The following CDH7 variants were observed in gnomAD, a reference collection of about 807,000 sequenced individuals.
CDH7 encodes cadherin-7.
Under a neutral mutation model 71.8 loss-of-function variants are expected in CDH7, and 25 were observed. That is an observed-to-expected ratio of 0.35 (90% CI 0.25 to 0.49). CDH7 has a LOEUF of 0.49. CDH7 is among the 20% of genes least tolerant of loss of function. The pLI, the probability that CDH7 is intolerant of heterozygous loss-of-function variation, is 0.99. For missense variants in CDH7, 862 were observed against 974.6 expected, an observed-to-expected ratio of 0.88 and a Z score of 1.54; for synonymous variants, 381 against 363.8, an observed-to-expected ratio of 1.05 and a Z score of -0.54.
chr18:65,758,235 TA>T (rs1459630192), intron 1 of CDH7, among the ~76,000 whole-genome samples: 5 of 152,332 alleles, frequency 3.3e-5, no homozygotes, highest in Admixed American at 1.3e-4. Context: ...CTTTTTAAAA[TA>T]ATGCTTCAGA....
At chr18:65,806,422 C>T (rs911708322) in intron 2 of CDH7, among the ~76,000 whole-genome samples, 1 of 151,818 alleles carries the variant, frequency 6.6e-6, no homozygotes, top group Non-Finnish European at 1.5e-5. Context: ...ATTGTTTAGG[C>T]TAATCTCAGG....
At chr18:65,871,415 A>G (rs1913922599) in intron 11 of CDH7, among the ~76,000 whole-genome samples, 1 of 152,200 alleles carries the variant, frequency 6.6e-6, no homozygotes, top group Non-Finnish European at 1.5e-5. Context: ...ACCTACCTCC[A>G]TACATCCAGG....
intron 11 of CDH7, chr18:65,863,615 T>A (rs952705433): frequency 3.3e-5 from 5 of 152,238 alleles, no homozygotes; most frequent in African/African-American, 1.2e-4. Context: ...AATTATGGCT[T>A]TATATTCTAC....
chr18:65,765,009 A>G (rs1916311684), intron 2 of CDH7, among the ~76,000 whole-genome samples: 1 of 152,054 alleles, frequency 6.6e-6, no homozygotes, highest in South Asian at 2.1e-4. Flanking sequence ...TAGTTTCTTG[A>G]TTAGGTAACA....
intron 2 of CDH7, among the ~76,000 whole-genome samples, chr18:65,808,766 A>G (rs1383105411): frequency 6.6e-6 from 1 of 152,122 alleles, no homozygotes; most frequent in East Asian, 1.9e-4. Context: ...AAGCTTTATT[A>G]TTTGGTAAAT....
rs1371961923 is a variant in CDH7 at position 65,885,550 on chromosome 18, T to C, written c.*4656T>C. On this transcript the variant is annotated 3_prime_UTR_variant, in exon 12 of 12. Transcript: ENST00000397968. ...CCGCCACCGCGCCCCGCTAATTTTT[T>C]TGTATTTTTAGTACAGACGGGGTTT... The C allele has an allele frequency of 6.6e-6, 1 of 151,884 alleles. No individual in the cohort carries two copies. The highest frequency in any genetic ancestry group is 2.4e-5 in the African/African-American group (1 of 41,336). The allele number at this position is 151,884 out of a possible 1,614,324, so 9.4% of individuals were successfully genotyped here. A position where few individuals can be genotyped will look rare whatever the true frequency, so the allele number is the denominator to read the frequency against.
At chr18:65,785,489 T>A (rs1419114916) in intron 2 of CDH7, among the ~76,000 whole-genome samples, 2 of 152,110 alleles carry the variant, frequency 1.3e-5, no homozygotes. Context: ...GTAGAGCTTT[T>A]ATTAGTAGAA....
intron 7 of CDH7, among the ~76,000 whole-genome samples, chr18:65,848,757 G>A (rs553833167): frequency 7.7e-4 from 117 of 152,078 alleles, no homozygotes; most frequent in African/African-American, 2.3e-3. Context: ...AAAGTAATAC[G>A]CATCATTTTA....
chr18:65,799,542 G>A (rs987056374), intron 2 of CDH7, among the ~76,000 whole-genome samples: 2 of 152,088 alleles, frequency 1.3e-5, no homozygotes, highest in Non-Finnish European at 2.9e-5. Context: ...CGGGCATGGT[G>A]GCGGGTGCCT....
At chr18:65,807,252 A>G (rs561691961) in intron 2 of CDH7, among the ~76,000 whole-genome samples, 1 of 152,258 alleles carries the variant, frequency 6.6e-6, no homozygotes, top group Non-Finnish European at 1.5e-5. Flanking sequence ...GTAATGTTTA[A>G]TAAAACGCAG....
chr18:65,770,695 A>T (rs1916515680), intron 2 of CDH7, among the ~76,000 whole-genome samples: 1 of 152,196 alleles, frequency 6.6e-6, no homozygotes, highest in Non-Finnish European at 1.5e-5. Context: ...AATAAGTAGA[A>T]TAATGGAACA....
chr18:65,781,052 T>A (rs1458413348), intron 2 of CDH7, among the ~76,000 whole-genome samples: 4 of 151,868 alleles, frequency 2.6e-5, no homozygotes, highest in African/African-American at 9.7e-5. Flanking sequence ...TCTTCGGAAG[T>A]CAATGCAGCT....
chr18:65,791,683 T>G (rs541247835), intron 2 of CDH7, among the ~76,000 whole-genome samples: 1 of 152,330 alleles, frequency 6.6e-6, no homozygotes. Context: ...TTTCTGTTCT[T>G]TAAAGATACA....
Position 65,859,781 on chromosome 18 carries a change from C to A in CDH7, c.1568C>A (p.Thr523Lys). Residue 523 changes from threonine to lysine, a missense_variant, in exon 10 of 12, where the codon ACG becomes AAG. Physicochemically the swap from Thr to Lys is moderately conservative, Grantham distance 78. Coordinates refer to ENST00000397968, the MANE Select transcript of CDH7 (RefSeq NM_004361.5). ...NGHQFYFSLT[T>K]DATNNHNFSL... ...CACCAGTTTTACTTCAGCTTAACAACGGATGCAACAAATAACCACAACTTT... is the reference window on the plus strand; with the variant it reads ...CACCAGTTTTACTTCAGCTTAACAAAGGATGCAACAAATAACCACAACTTT... 1 of 1,610,050 alleles carries A rather than the reference C, an allele frequency of 6.2e-7. No individual in the cohort carries two copies. Among genetic ancestry groups the A allele is most frequent in the Non-Finnish European group, 8.5e-7 (1 of 1,176,468 alleles).
chr18:65,769,919 G>A (rs1014070025), intron 2 of CDH7, among the ~76,000 whole-genome samples: 1 of 152,112 alleles, frequency 6.6e-6, no homozygotes, highest in Admixed American at 6.6e-5. Flanking sequence ...CTTGGTTAAG[G>A]TGGTGTCTGC....
At chr18:65,821,132 C>CA (rs796526274) in intron 4 of CDH7, among the ~76,000 whole-genome samples, 2,117 of 28,996 alleles carry the variant, frequency 0.073, 51 homozygotes, top group African/African-American at 0.11. Context: ...AACAAACAAA[C>CA]AAAAAAAAAA....
intron 2 of CDH7, among the ~76,000 whole-genome samples, chr18:65,774,219 C>A (rs544289258): frequency 4.7e-4 from 71 of 151,866 alleles, no homozygotes; most frequent in African/African-American, 1.7e-3. Context: ...ATATTATGAT[C>A]ATCTCTTGAG....
At chr18:65,789,777 A>G (rs1009736910) in intron 2 of CDH7, among the ~76,000 whole-genome samples, 1 of 152,114 alleles carries the variant, frequency 6.6e-6, no homozygotes, top group Non-Finnish European at 1.5e-5. Context: ...GCAGAGGGAA[A>G]GGAGGTGGGG....
chr18:65,794,170 A>AGT (rs957906877), intron 2 of CDH7, among the ~76,000 whole-genome samples: 1 of 109,820 alleles, frequency 9.1e-6, no homozygotes, highest in Non-Finnish European at 1.7e-5. Context: ...GATAATACAC[A>AGT]GTTTTTTTTT....
Sources: gnomAD v4.1 joint callset for allele counts (sites outside exome capture counted in the v4.1 genomes callset) on GRCh38, gnomAD v4.1.1 for gene constraint, MANE v1.5 for transcripts, NCBI Gene and HGNC (gene_info 2026-07-23, HGNC 2026-07-21) for gene names.